The following NFKBIE variants were observed in gnomAD, a reference collection of about 807,000 sequenced individuals.
NFKBIE encodes NFKB inhibitor epsilon.
NFKBIE carries 11 observed loss-of-function variants against 31.6 expected under a neutral mutation model. That is an observed-to-expected ratio of 0.35 (90% confidence interval 0.22 to 0.58). The LOEUF (loss-of-function observed/expected upper bound fraction) is 0.58, where lower values mean the gene tolerates loss of function less well. NFKBIE is among the 20% of genes least tolerant of loss of function. The probability of loss-of-function intolerance (pLI) is 0.83; values close to 1 mark genes in which losing one functional copy is unlikely to be tolerated. For synonymous variants in NFKBIE, 208 were observed against 210.1 expected, an observed-to-expected ratio of 0.99 and a Z score of 0.09; for missense variants, 354 against 465.7, an observed-to-expected ratio of 0.76 and a Z score of 2.21.
At chr6:44,264,854 G>A in intron 1 of NFKBIE, 128 bp downstream of exon 1, 2 of 1,050,366 alleles carry the variant, frequency 1.9e-6, no homozygotes, top group Non-Finnish European at 1.4e-6. Flanking sequence ...TGAGAGTTAA[G>A]TCTGGAGTTT....
Position 44,265,261 on chromosome 6 carries a change from A to G in NFKBIE, c.86T>C (p.Leu29Pro). 6.4e-7 allele frequency: 1 copy of G among 1,552,396 alleles called. No homozygotes were observed. Among genetic ancestry groups the G allele is most frequent in the Non-Finnish European group, 8.7e-7 (1 of 1,147,962 alleles). Reference sequence around the variant, plus strand: ...GGCTGGAGCCGAGGTGGACTCGGGTAGGGAGCGCAGAGAGCGCAGAGACTC... The same window carrying G: ...GGCTGGAGCCGAGGTGGACTCGGGTGGGGAGCGCAGAGAGCGCAGAGACTC... ...GIESLRSLRS[L>P]PESTSAPASG... is the part of the protein sequence containing the mutation. The change falls in exon 1 of 6, where the codon CTA becomes CCA. Residue 29 changes from leucine to proline, a missense_variant. Physicochemically the swap from Leu to Pro is moderately conservative, Grantham distance 98 (BLOSUM62 -3). Around this residue, in one of 2 missense-constraint regions of NFKBIE, gnomAD observed 171 missense variants for 155.1 expected, o/e 1.10. Coordinates refer to ENST00000619360, the MANE Select transcript of NFKBIE (RefSeq NM_004556.3).
intron 5 of NFKBIE, among the ~76,000 whole-genome samples, chr6:44,259,662 A>G (rs1469851992): frequency 1.3e-5 from 2 of 152,148 alleles, no homozygotes; most frequent in African/African-American, 4.8e-5. Context: ...GAAAGACTGT[A>G]CAGAAAATCT....
At chr6:44,264,496 C>G (rs1467941064) in intron 1 of NFKBIE, among the ~76,000 whole-genome samples, 1 of 152,166 alleles carries the variant, frequency 6.6e-6, no homozygotes, top group Non-Finnish European at 1.5e-5. Flanking sequence ...CCTGGCTCAC[C>G]CCATCCTCCT....
In NFKBIE at chr6:44,260,182, C is replaced by T. The variant is rs1351663115; in HGVS notation, c.881G>A (p.Arg294His). 4 of 1,614,096 alleles carry T rather than the reference C, an allele frequency of 2.5e-6. No individual in the cohort carries two copies. Among genetic ancestry groups the T allele is most frequent in the African/African-American group, 1.3e-5 (1 of 74,946 alleles). The change falls in exon 5 of 6, where the codon CGC (arginine) becomes CAC (histidine). Residue 294 changes from arginine (R) to histidine (H), a missense_variant. This residue lies in a region of NFKBIE where 183 missense variants were observed against 310.6 expected (regional missense o/e 0.59). Transcript: ENST00000619360. The surrounding 1 kb of genome is among the most constrained non-coding windows in gnomAD (Gnocchi z 5.5). ...CAGGGGTGTGCACCCGTTCAGCATGCGGGCATCTACCTGGGCACCAGCCTG... is the reference window on the plus strand; with the variant it reads ...CAGGGGTGTGCACCCGTTCAGCATGTGGGCATCTACCTGGGCACCAGCCTG... ...LLQAGAQVDA[R>H]MLNGCTPLHL...
Position 44,265,366 on chromosome 6 carries a change from CG to C in NFKBIE, c.-21del. The C allele has an allele frequency of 1.3e-6, 2 of 1,560,938 alleles. No individual in the cohort carries two copies. Among genetic ancestry groups the C allele is most frequent in the Non-Finnish European group, 8.6e-7 (1 of 1,159,768 alleles). On this transcript the variant is annotated 5_prime_UTR_variant, in exon 1 of 6. Transcript: ENST00000619360. ...CGACATGCCCGCGGCTCTGGCCGGC[CG>C]GGGCCCGGTCTGAGCAGGATCCGGC... is the stretch of plus-strand genomic sequence containing the variant.
At position 44,261,920 on chromosome 6, in the gene NFKBIE, A is replaced by C; in HGVS notation, c.469-72T>G. On this transcript the variant is annotated intron_variant, in intron 2 of 5. Transcript: ENST00000619360. The surrounding 1 kb of genome is among the most constrained non-coding windows in gnomAD (Gnocchi z 4.3). ...ACCTCTGGGAACATGCTTGGGCTCA[A>C]GAATCACCAGCTGCCAGCATCTTCT... 7.3e-7 allele frequency: 1 copy of C among 1,364,048 alleles called. No individual in the cohort carries two copies. Among genetic ancestry groups the C allele is most frequent in the African/African-American group, 1.4e-5 (1 of 69,572 alleles). The allele number at this position is 1,364,048 out of a possible 1,614,324, so 84.5% of individuals were successfully genotyped here.
At position 44,260,624 on chromosome 6, in the gene NFKBIE, C is replaced by G. The variant is rs1334655676; in HGVS notation, c.692-85G>C. 1.6e-6 allele frequency: 2 copies of G among 1,283,630 alleles called. No homozygotes were observed. The highest frequency in any genetic ancestry group is 2.3e-6 in the Non-Finnish European group (2 of 884,258). 79.5% of individuals were successfully genotyped at this position (1,283,630 alleles called of 1,614,324 possible). ...TTCTGGGACCTCCCTACCACTCAGC[C>G]CCAAGGGACTCACAGCCCACTCAAT... On this transcript the variant is annotated intron_variant, in intron 3 of 5. Coordinates refer to ENST00000619360, the MANE Select transcript of NFKBIE (RefSeq NM_004556.3). The surrounding 1 kb of genome is among the most constrained non-coding windows in gnomAD (Gnocchi z 5.5).
At chr6:44,259,991 C>T in intron 5 of NFKBIE, 52 bp downstream of exon 5, 4 of 1,584,522 alleles carry the variant, frequency 2.5e-6, no homozygotes, top group Admixed American at 1.7e-5. Context: ...GACAGAACCT[C>T]TCTCTGCTAT....
rs545896980 is a variant in NFKBIE, at chr6:44,258,244, T to G, written c.*975A>C. ...TCACTGGATGAGACGCTCCAAGTGG[T>G]CAGAGACTGTGCTGGTTTATTGCCC... On this transcript the variant is annotated 3_prime_UTR_variant, in exon 6 of 6. Transcript: ENST00000619360. The G allele has an allele frequency of 6.6e-6, 1 of 152,320 alleles. No homozygotes were observed. The highest frequency in any genetic ancestry group is 2.1e-4 in the South Asian group (1 of 4,820). 9.4% of individuals were successfully genotyped at this position (152,320 alleles called of 1,614,324 possible).
At position 44,261,908 on chromosome 6, in the gene NFKBIE, T is replaced by G. The variant is rs913503930; in HGVS notation, c.469-60A>C. Reference sequence around the variant, plus strand: ...CAGCATGCTCCCACCTCTGGGAACATGCTTGGGCTCAAGAATCACCAGCTG... The same window carrying G: ...CAGCATGCTCCCACCTCTGGGAACAGGCTTGGGCTCAAGAATCACCAGCTG... On this transcript the variant is annotated intron_variant, in intron 2 of 5. Coordinates refer to ENST00000619360, the MANE Select transcript of NFKBIE (RefSeq NM_004556.3). The surrounding 1 kb of genome is among the most constrained non-coding windows in gnomAD (Gnocchi z 4.3). 4.1e-6 allele frequency: 6 copies of G among 1,468,418 alleles called. No individual in the cohort carries two copies. The highest frequency in any genetic ancestry group is 2.4e-5 in the South Asian group (2 of 84,580). 91.0% of individuals were successfully genotyped at this position (1,468,418 alleles called of 1,614,324 possible).
At chr6:44,262,491 G>T in intron 2 of NFKBIE, 69 bp downstream of exon 2, 1 of 1,347,778 alleles carries the variant, frequency 7.4e-7, no homozygotes, top group Non-Finnish European at 1.1e-6. Flanking sequence ...CTTTGGACTG[G>T]TATGGCTGCT....
rs1055230298 is a variant in NFKBIE, at chr6:44,261,576, G to A, written c.691+50C>T. Reference sequence around the variant, plus strand: ...CAAGAGTGAGGTCCCTATCTCCTATGCCCTCCTCATCCCACAGGCCCTAAG... The same window carrying A: ...CAAGAGTGAGGTCCCTATCTCCTATACCCTCCTCATCCCACAGGCCCTAAG... On this transcript the variant is annotated intron_variant, in intron 3 of 5. Coordinates refer to ENST00000619360, the MANE Select transcript of NFKBIE (RefSeq NM_004556.3). This position sits in a 1 kb window ranked among gnomAD's most constrained non-coding sequence, Gnocchi z 4.3. The A allele has an allele frequency of 1.3e-6, 2 of 1,587,060 alleles. No individual in the cohort carries two copies. Among genetic ancestry groups the A allele is most frequent in the African/African-American group, 2.7e-5 (2 of 74,418 alleles).
At position 44,261,996 on chromosome 6, in the gene NFKBIE, C is replaced by G; in HGVS notation, c.469-148G>C. On this transcript the variant is annotated intron_variant, in intron 2 of 5. Transcript: ENST00000619360. This position sits in a 1 kb window ranked among gnomAD's most constrained non-coding sequence, Gnocchi z 4.3. ...ACCTGTTCTTCCAAGGAAATACTACCGAGCCCTTCCCCTGTCACACCCCTC... is the reference window on the plus strand; with the variant it reads ...ACCTGTTCTTCCAAGGAAATACTACGGAGCCCTTCCCCTGTCACACCCCTC... 2 of 743,548 alleles carry G rather than the reference C, an allele frequency of 2.7e-6. No individual in the cohort carries two copies. The highest frequency in any genetic ancestry group is 1.8e-5 in the African/African-American group (1 of 57,038). The allele number at this position is 743,548 out of a possible 1,614,324, so 46.1% of individuals were successfully genotyped here. A position where few individuals can be genotyped will look rare whatever the true frequency, so the allele number is the denominator to read the frequency against.
Position 44,263,903 on chromosome 6 carries a change from C to T in NFKBIE, c.365+1079G>A, listed in dbSNP as rs1583009919. On this transcript the variant is annotated intron_variant, in intron 1 of 5. Transcript: ENST00000619360. The surrounding 1 kb of genome is among the most constrained non-coding windows in gnomAD (Gnocchi z 5.0). Reference sequence around the variant, plus strand: ...AGTCCCCTCTCCTTGGATCAAAGGTCATCAGAGGTATCTTGCGTGCAGCCC... The same window carrying T: ...AGTCCCCTCTCCTTGGATCAAAGGTTATCAGAGGTATCTTGCGTGCAGCCC... Among the ~76,000 whole-genome samples the T allele has an allele frequency of 6.6e-6, 1 of 152,152 alleles. No homozygotes were observed. Among genetic ancestry groups the T allele is most frequent in the African/African-American group, 2.4e-5 (1 of 41,426 alleles).
At position 44,260,381 on chromosome 6, in the gene NFKBIE, G is replaced by A; in HGVS notation, c.780+70C>T. ...GAATGCCACCACTTCTGACTGCTGG[G>A]CAGGGGACTTGGGGATGTGTCAGGT... On this transcript the variant is annotated intron_variant, in intron 4 of 5. Coordinates refer to ENST00000619360, the MANE Select transcript of NFKBIE (RefSeq NM_004556.3). This position sits in a 1 kb window ranked among gnomAD's most constrained non-coding sequence, Gnocchi z 5.5. The A allele has an allele frequency of 1.2e-6, 2 of 1,613,174 alleles. No homozygotes were observed. Among genetic ancestry groups the A allele is most frequent in the Admixed American group, 1.7e-5 (1 of 60,020 alleles).
In NFKBIE at chr6:44,260,004, G is replaced by C; in HGVS notation, c.1020+39C>G. On this transcript the variant is annotated intron_variant, in intron 5 of 5. Coordinates refer to ENST00000619360, the MANE Select transcript of NFKBIE (RefSeq NM_004556.3). This position sits in a 1 kb window ranked among gnomAD's most constrained non-coding sequence, Gnocchi z 5.5. The stretch of plus-strand genomic sequence containing the variant: ...ATGACAGAACCTCTCTCTGCTATGG[G>C]TGTGCAAGGCCCTGGAGAGCAAAGC... The C allele has an allele frequency of 6.3e-7, 1 of 1,598,500 alleles. No individual in the cohort carries two copies. Among genetic ancestry groups the C allele is most frequent in the Non-Finnish European group, 8.6e-7 (1 of 1,168,272 alleles).
intron 1 of NFKBIE, among the ~76,000 whole-genome samples, chr6:44,262,964 G>A (rs1202230151): frequency 6.6e-6 from 1 of 152,234 alleles, no homozygotes; most frequent in South Asian, 2.1e-4. Context: ...TTTGCCCTCA[G>A]GGCTCTGCCG....
Position 44,260,341 on chromosome 6 carries a change from T to C in NFKBIE, c.781-59A>G. ...CAGAGGCAGTGTGCTGGGCCTGGGC[T>C]CTGGATAAGGAAGTGAATGCCACCA... On this transcript the variant is annotated intron_variant, in intron 4 of 5. Transcript: ENST00000619360. The surrounding 1 kb of genome is among the most constrained non-coding windows in gnomAD (Gnocchi z 5.5). 1 of 1,608,860 alleles carries C rather than the reference T, an allele frequency of 6.2e-7. No individual in the cohort carries two copies. Among genetic ancestry groups the C allele is most frequent in the Non-Finnish European group, 8.5e-7 (1 of 1,175,922 alleles).
At position 44,261,896 on chromosome 6, in the gene NFKBIE, C is replaced by T. The variant is rs1781936199; in HGVS notation, c.469-48G>A. The T allele has an allele frequency of 1.3e-6, 2 of 1,503,246 alleles. No homozygotes were observed. Among genetic ancestry groups the T allele is most frequent in the Non-Finnish European group, 1.8e-6 (2 of 1,103,956 alleles). 93.1% of individuals were successfully genotyped at this position (1,503,246 alleles called of 1,614,324 possible). ...ATGGGGCCACTGCAGCATGCTCCCA[C>T]CTCTGGGAACATGCTTGGGCTCAAG... On this transcript the variant is annotated intron_variant, in intron 2 of 5. Transcript: ENST00000619360. This position sits in a 1 kb window ranked among gnomAD's most constrained non-coding sequence, Gnocchi z 4.3.
Sources: allele counts gnomAD v4.1 joint callset (sites outside exome capture counted in the v4.1 genomes callset), GRCh38; gene constraint gnomAD v4.1.1; regional missense constraint gnomAD v4.1.1; non-coding constraint Gnocchi (gnomAD v3.1); transcripts MANE v1.5; gene names NCBI Gene and HGNC (gene_info 2026-07-23, HGNC 2026-07-21).